The following CDKL3 variants were observed in gnomAD, a reference collection of about 807,000 sequenced individuals.
CDKL3 encodes the protein cyclin dependent kinase like 3.
Under a neutral mutation model 69.3 loss-of-function variants are expected in CDKL3, and 65 were observed. The observed-to-expected ratio is 0.94, with a 90% CI of 0.77 to 1.15. The LOEUF (loss-of-function observed/expected upper bound fraction) is 1.15, where lower values mean the gene tolerates loss of function less well. CDKL3 is among the 50% of genes most tolerant of loss of function. The pLI is 0.00. For missense variants in CDKL3, 652 were observed against 689.2 expected (o/e 0.95, Z 0.61); for synonymous variants, 202 against 221.6 (o/e 0.91, Z 0.79).
intron 4 of CDKL3, among the ~76,000 whole-genome samples, chr5:134,349,740 T>C (rs557585156): frequency 2.0e-5 from 3 of 152,264 alleles, no homozygotes; most frequent in East Asian, 1.9e-4. Flanking sequence ...TGAGTGAGCG[T>C]AGCAGTAGCA....
intron 8 of CDKL3, among the ~76,000 whole-genome samples, chr5:134,290,119 G>C (rs1580748950): frequency 6.6e-6 from 1 of 152,076 alleles, no homozygotes; most frequent in African/African-American, 2.4e-5. Flanking sequence ...ACTTTGGGAG[G>C]CTGAGGCAGG....
chr5:134,358,018 G>A (rs1209758816), intron 3 of CDKL3, among the ~76,000 whole-genome samples: 1 of 152,200 alleles, frequency 6.6e-6, no homozygotes, highest in East Asian at 1.9e-4. Flanking sequence ...GTTGGAGGCT[G>A]CAGTGAGCTA....
intron 4 of CDKL3, among the ~76,000 whole-genome samples, chr5:134,338,631 G>C (rs1345703398): frequency 6.6e-6 from 1 of 152,156 alleles, no homozygotes. Context: ...AGGAGGCAGA[G>C]GTTTCAGTGA....
chr5:134,307,187 C>G (rs1426804842), intron 9 of CDKL3, among the ~76,000 whole-genome samples: 2 of 152,214 alleles, frequency 1.3e-5, no homozygotes, highest in South Asian at 2.1e-4. Flanking sequence ...GGTAACAGGG[C>G]AGAGAACAAT....
chr5:134,358,634 G>A (rs1234778927), intron 3 of CDKL3, among the ~76,000 whole-genome samples: 1 of 151,170 alleles, frequency 6.6e-6, no homozygotes, highest in Non-Finnish European at 1.5e-5. Context: ...CTTACTTACA[G>A]AATCTTGCTC....
chr5:134,317,597 C>A (rs1771501203), intron 6 of CDKL3, among the ~76,000 whole-genome samples: 1 of 152,084 alleles, frequency 6.6e-6, no homozygotes, highest in Non-Finnish European at 1.5e-5. Context: ...GCACTCCAGC[C>A]TGGGCAACAG....
downstream of CDKL3, among the ~76,000 whole-genome samples, chr5:134,297,387 G>A (rs1765412613): frequency 6.6e-6 from 1 of 151,950 alleles, no homozygotes; most frequent in African/African-American, 2.4e-5. Context: ...CACCTATTTT[G>A]GTCCCTCAGA....
intron 6 of CDKL3, among the ~76,000 whole-genome samples, chr5:134,317,169 T>C (rs1463368835): frequency 1.3e-5 from 2 of 152,204 alleles, no homozygotes; most frequent in Non-Finnish European, 2.9e-5. Context: ...GGAGTTTCAC[T>C]CTGTCACCCA....
At chr5:134,306,794 AC>A in intron 9 of CDKL3, 92 bp from the exon 10 acceptor site, 1 of 676,580 alleles carries the variant, frequency 1.5e-6, no homozygotes. Flanking sequence ...TCACTCTGTC[AC>A]CCAGGCTGGA....
intron 6 of CDKL3, among the ~76,000 whole-genome samples, chr5:134,317,229 AG>A (rs1771346502): frequency 6.6e-6 from 1 of 152,008 alleles, no homozygotes; most frequent in Non-Finnish European, 1.5e-5. Flanking sequence ...TCTGCCTCCC[AG>A]GTTCAAGTGA....
downstream of CDKL3, among the ~76,000 whole-genome samples, chr5:134,284,769 G>A (rs905738897): frequency 9.2e-5 from 14 of 152,088 alleles, no homozygotes; most frequent in African/African-American, 2.7e-4. Flanking sequence ...TCTCCTATTC[G>A]CTTTCTGCAA....
intron 8 of CDKL3, among the ~76,000 whole-genome samples, chr5:134,288,410 C>T (rs561999246): frequency 6.6e-6 from 1 of 152,290 alleles, no homozygotes; most frequent in South Asian, 2.1e-4. Flanking sequence ...ACACATTATA[C>T]AGCTCTCTTT....
chr5:134,349,626 G>A (rs907960359), intron 4 of CDKL3, among the ~76,000 whole-genome samples: 12 of 152,148 alleles, frequency 7.9e-5, no homozygotes, highest in African/African-American at 2.9e-4. Flanking sequence ...AACAGAAGAG[G>A]GAACTCTGCC....
intron 4 of CDKL3, among the ~76,000 whole-genome samples, chr5:134,344,821 T>C (rs1339022339): frequency 6.6e-6 from 1 of 152,050 alleles, no homozygotes; most frequent in Non-Finnish European, 1.5e-5. Context: ...CTCAGCACTT[T>C]GGGAGGCCGA....
chr5:134,355,970 T>C (rs572522930), intron 3 of CDKL3, among the ~76,000 whole-genome samples: 38 of 152,362 alleles, frequency 2.5e-4, no homozygotes, highest in Non-Finnish European at 4.7e-4. Flanking sequence ...AGTTTTTCTA[T>C]GGACCAGGCT....
chr5:134,364,016 T>C (rs759656472), intron 2 of CDKL3, among the ~76,000 whole-genome samples: 1 of 146,550 alleles, frequency 6.8e-6, no homozygotes, highest in Non-Finnish European at 1.5e-5. Context: ...TCATATCTCA[T>C]ATAGACTTAC....
intron 2 of CDKL3, among the ~76,000 whole-genome samples, chr5:134,362,140 A>AT (rs1472395068): frequency 4.6e-5 from 7 of 152,306 alleles, no homozygotes; most frequent in South Asian, 2.1e-4. Flanking sequence ...AAGTTGTTTA[A>AT]TTTTTTCTCC....
At chr5:134,366,261 T>C (rs758015665) in intron 2 of CDKL3, 98 bp downstream of exon 2, 1 of 772,826 alleles carries the variant, frequency 1.3e-6, no homozygotes. Flanking sequence ...TTCTCCATAA[T>C]ATGAATCAGT....
At chr5:134,364,722 A>G (rs1168799207) in intron 2 of CDKL3, among the ~76,000 whole-genome samples, 1 of 151,962 alleles carries the variant, frequency 6.6e-6, no homozygotes, top group African/African-American at 2.4e-5. Flanking sequence ...TACATTGGCC[A>G]GGCTGGTCTC....
Sources: allele counts gnomAD v4.1 joint callset (sites outside exome capture counted in the v4.1 genomes callset), GRCh38; gene constraint gnomAD v4.1.1; transcripts MANE v1.5; gene names NCBI Gene and HGNC (gene_info 2026-07-23, HGNC 2026-07-21).